The following NSL1 variants were observed in gnomAD, a reference collection of about 807,000 sequenced individuals.
NSL1 encodes kinetochore-associated protein NSL1 homolog.
In NSL1, 11 loss-of-function variants were observed where a neutral mutation model predicts 25.4. That is an observed-to-expected ratio of 0.43 (90% CI 0.27 to 0.72). The LOEUF (loss-of-function observed/expected upper bound fraction) is 0.72. Among genes scored for constraint, NSL1 ranks in the 30% least tolerant of loss-of-function variants. NSL1 has a pLI of 0.19. For synonymous variants in NSL1, 118 were observed against 120.6 expected (o/e 0.98, Z 0.14); for missense variants, 330 against 342.7 (o/e 0.96, Z 0.29).
rs757844450 is a variant in NSL1, at chr1:212,738,377, AT to A, written c.*30del. ...TGTAATCTAAATGTTGATGGTGCCT[AT>A]TTTCAACTCCCAAAATAAACAGAAA... On this transcript the variant is annotated 3_prime_UTR_variant, in exon 6 of 6. Coordinates refer to ENST00000366977, the MANE Select transcript of NSL1 (RefSeq NM_015471.4). 6.3e-7 allele frequency: 1 copy of A among 1,581,658 alleles called. No individual in the cohort carries two copies.
At chr1:212,782,262 A>G (rs1660762607) in intron 4 of NSL1, 110 bp downstream of exon 4, 2 of 792,350 alleles carry the variant, frequency 2.5e-6, no homozygotes, top group Admixed American at 1.9e-5. Flanking sequence ...AGGAAGTTAA[A>G]GCATCAAAGG....
intron 4 of NSL1, among the ~76,000 whole-genome samples, chr1:212,757,871 C>T (rs1659388290): frequency 6.6e-6 from 1 of 152,150 alleles, no homozygotes; most frequent in Admixed American, 6.5e-5. Context: ...AATATGGTGA[C>T]ATGGATAAGA....
intron 4 of NSL1, among the ~76,000 whole-genome samples, chr1:212,781,561 T>C (rs1660733893): frequency 6.6e-6 from 1 of 152,166 alleles, no homozygotes; most frequent in African/African-American, 2.4e-5. Context: ...GTTTATCCCA[T>C]TAGCTTAGGA....
intron 4 of NSL1, among the ~76,000 whole-genome samples, chr1:212,767,813 GA>G (rs2102378031): frequency 6.6e-6 from 1 of 152,082 alleles, no homozygotes; most frequent in Admixed American, 6.5e-5. Flanking sequence ...ACAAACATAT[GA>G]AAAAAATGCT....
chr1:212,736,836 T>C lies in NSL1; in HGVS notation c.*1572A>G, dbSNP rs1658250652. ...AATACTTCAGAGCAAATCTATCATG[T>C]CATTTAAAAACTCTATGTAGCACAA... On this transcript the variant is annotated 3_prime_UTR_variant, in exon 6 of 6. Transcript: ENST00000366977. 1.0e-6 allele frequency: 1 copy of C among 985,318 alleles called. No individual in the cohort carries two copies. Among genetic ancestry groups the C allele is most frequent in the Non-Finnish European group, 1.2e-6 (1 of 829,918 alleles). 61.0% of individuals were successfully genotyped at this position (985,318 alleles called of 1,614,324 possible). A position where few individuals can be genotyped will look rare whatever the true frequency, so the allele number is the denominator to read the frequency against.
chr1:212,751,147 G>T (rs2102442738), intron 4 of NSL1, among the ~76,000 whole-genome samples: 1 of 152,128 alleles, frequency 6.6e-6, no homozygotes, highest in South Asian at 2.1e-4. Flanking sequence ...TAAAAGTGAA[G>T]CTACTGAGTA....
rs1658192677 is a variant in NSL1, at chr1:212,735,385, A to C, written c.*3023T>G. ...TGGATAGAGAAGATAGGTGTTCACC[A>C]GAAATCAAACAAATTCAGCCTTAGA... On this transcript the variant is annotated 3_prime_UTR_variant, in exon 6 of 6. Transcript: ENST00000366977. 2.0e-6 allele frequency: 2 copies of C among 985,354 alleles called. No homozygotes were observed. Among genetic ancestry groups the C allele is most frequent in the East Asian group, 2.3e-4 (2 of 8,836 alleles). The allele number at this position is 985,354 out of a possible 1,614,324, so 61.0% of individuals were successfully genotyped here. A position where few individuals can be genotyped will look rare whatever the true frequency, so the allele number is the denominator to read the frequency against.
rs1657852957 is a variant in NSL1, at chr1:212,727,926, G to A, written c.*10482C>T. 2 of 985,416 alleles carry A rather than the reference G, an allele frequency of 2.0e-6. No homozygotes were observed. Among genetic ancestry groups the A allele is most frequent in the South Asian group, 4.7e-5 (1 of 21,282 alleles). The allele number at this position is 985,416 out of a possible 1,614,324, so 61.0% of individuals were successfully genotyped here. A position where few individuals can be genotyped will look rare whatever the true frequency, so the allele number is the denominator to read the frequency against. ...AAAAATGAGAAGAACCAACGAGGTC[G>A]CTGTGGTGTAGCGGTGAGAGCGTCT... On this transcript the variant is annotated 3_prime_UTR_variant, in exon 6 of 6. Transcript: ENST00000366977.
intron 4 of NSL1, among the ~76,000 whole-genome samples, chr1:212,743,827 G>A (rs938526409): frequency 6.6e-6 from 1 of 152,122 alleles, no homozygotes; most frequent in African/African-American, 2.4e-5. Context: ...ATTTACCCTT[G>A]CCCCATTCCC....
In NSL1 at chr1:212,727,177, C is replaced by CG; in HGVS notation, c.*11230_*11231insC. 6.4e-7 allele frequency: 1 copy of CG among 1,563,550 alleles called. No homozygotes were observed. The highest frequency in any genetic ancestry group is 1.2e-5 in the South Asian group (1 of 84,030). On this transcript the variant is annotated 3_prime_UTR_variant, in exon 6 of 6. Coordinates refer to ENST00000366977, the MANE Select transcript of NSL1 (RefSeq NM_015471.4). ...CCTAGAGCTAGTCCACCAGGCTTGGCTCCTAATGTGTTAAATGGGGGTGAA... is the reference window on the plus strand; with the variant it reads ...CCTAGAGCTAGTCCACCAGGCTTGGCGTCCTAATGTGTTAAATGGGGGTGAA...
intron 4 of NSL1, among the ~76,000 whole-genome samples, chr1:212,777,378 A>G (rs1281788246): frequency 6.6e-6 from 1 of 152,146 alleles, no homozygotes; most frequent in African/African-American, 2.4e-5. Context: ...CCTCAAAAAA[A>G]AAAAGGAACC....
In NSL1 at chr1:212,735,118, T is replaced by C. The variant is rs999729565; in HGVS notation, c.*3290A>G. ...AACTTGCCCAATGTCACTGAACTAA[T>C]AATGGTAGAACTGCAATCTGAACCC... is the stretch of plus-strand genomic sequence containing the variant. On this transcript the variant is annotated 3_prime_UTR_variant, in exon 6 of 6. Coordinates refer to ENST00000366977, the MANE Select transcript of NSL1 (RefSeq NM_015471.4). 6.6e-6 allele frequency among the ~76,000 whole-genome samples: 1 copy of C among 152,230 alleles called. No individual in the cohort carries two copies. Among genetic ancestry groups the C allele is most frequent in the Non-Finnish European group, 1.5e-5 (1 of 68,034 alleles).
chr1:212,738,836 C>T (rs1456098303), intron 5 of NSL1, 150 bp from the exon 6 acceptor site: 1 of 635,504 alleles, frequency 1.6e-6, no homozygotes, highest in Non-Finnish European at 2.6e-6. Flanking sequence ...GATCTCAGCT[C>T]ACTGCAATCT....
At chr1:212,752,887 A>C (rs1345762886) in intron 4 of NSL1, among the ~76,000 whole-genome samples, 1 of 126,960 alleles carries the variant, frequency 7.9e-6, no homozygotes, top group Non-Finnish European at 1.6e-5. Context: ...TCAGAAATTC[A>C]GCAAAAAAAA....
chr1:212,784,684 T>G (rs181531697), intron 2 of NSL1, among the ~76,000 whole-genome samples, 191 bp from the exon 3 acceptor site: 1 of 152,212 alleles, frequency 6.6e-6, no homozygotes, highest in East Asian at 1.9e-4. Flanking sequence ...TTATTGAGCA[T>G]CTATAAGAAG....
At position 212,736,404 on chromosome 1, in the gene NSL1, T is replaced by G; in HGVS notation, c.*2004A>C. ...CATAGAGCAAGATTTGATTTTCAAT[T>G]TTTTCCTTCAACCTTTCCAATTCCT... is the stretch of plus-strand genomic sequence containing the variant. On this transcript the variant is annotated 3_prime_UTR_variant, in exon 6 of 6. Transcript: ENST00000366977. 3 of 985,230 alleles carry G rather than the reference T, an allele frequency of 3.0e-6. No individual in the cohort carries two copies. Among genetic ancestry groups the G allele is most frequent in the Non-Finnish European group, 3.6e-6 (3 of 829,750 alleles). 61.0% of individuals were successfully genotyped at this position (985,230 alleles called of 1,614,324 possible).
chr1:212,753,583 G>A (rs1659165278), intron 4 of NSL1, among the ~76,000 whole-genome samples: 1 of 151,936 alleles, frequency 6.6e-6, no homozygotes, highest in South Asian at 2.1e-4. Context: ...TAAGAACTTT[G>A]TGCTGCTCAC....
intron 4 of NSL1, among the ~76,000 whole-genome samples, chr1:212,750,384 A>C (rs1023797395): frequency 3.3e-5 from 5 of 152,166 alleles, no homozygotes; most frequent in Admixed American, 3.3e-4. Flanking sequence ...AGTAGAAAAC[A>C]GGAACCAGGA....
chr1:212,783,245 C>T (rs1436650700), intron 3 of NSL1, among the ~76,000 whole-genome samples: 3 of 152,134 alleles, frequency 2.0e-5, no homozygotes, highest in Non-Finnish European at 4.4e-5. Flanking sequence ...AGCAGTACCT[C>T]ACCTAGGCCA....
Sources: allele counts gnomAD v4.1 joint callset (sites outside exome capture counted in the v4.1 genomes callset), GRCh38; gene constraint gnomAD v4.1.1; transcripts MANE v1.5; gene names NCBI Gene and HGNC (gene_info 2026-07-23, HGNC 2026-07-21).